KAZN: variants seen among roughly 807,000 people sequenced by gnomAD.
KAZN encodes kazrin.
Under a neutral mutation model 87.4 loss-of-function variants are expected in KAZN, and 40 were observed. The observed-to-expected ratio is 0.46, with a 90% CI of 0.36 to 0.60. The LOEUF is 0.60. Among genes scored for constraint, KAZN ranks in the 20% least tolerant of loss-of-function variants. The probability of loss-of-function intolerance (pLI) is 0.00; values close to 1 mark genes in which losing one functional copy is unlikely to be tolerated. For missense variants in KAZN, 898 were observed against 1,073.9 expected, an observed-to-expected ratio of 0.84 and a Z score of 2.29; for synonymous variants, 466 against 458.3, an observed-to-expected ratio of 1.02 and a Z score of -0.22.
At chr1:13,902,432 A>G (rs1013765993) in intron 1 of KAZN, among the ~76,000 whole-genome samples, 2 of 152,206 alleles carry the variant, frequency 1.3e-5, no homozygotes, top group African/African-American at 4.8e-5. Flanking sequence ...AACTTCATGC[A>G]GGCTGTTTTC....
chr1:15,063,552 C>T lies in KAZN; in HGVS notation c.1048-20C>T, dbSNP rs1638974887. On this transcript the variant is annotated intron_variant, in intron 6 of 14. Coordinates refer to ENST00000376030, the MANE Select transcript of KAZN (RefSeq NM_201628.3). Reference sequence around the variant, plus strand: ...CACCTGTCTCTGCTGTTTCATCTTCCTCTTCTCCTCTGGCTACAGGGCGAC... The same window carrying T: ...CACCTGTCTCTGCTGTTTCATCTTCTTCTTCTCCTCTGGCTACAGGGCGAC... The T allele has an allele frequency of 6.2e-7, 1 of 1,611,542 alleles. No homozygotes were observed. Among genetic ancestry groups the T allele is most frequent in the South Asian group, 1.1e-5 (1 of 91,022 alleles).
chr1:14,672,972 G>A (rs1375257512), intron 1 of KAZN, among the ~76,000 whole-genome samples: 2 of 152,168 alleles, frequency 1.3e-5, no homozygotes, highest in South Asian at 2.1e-4. Flanking sequence ...CCCAGGCCAC[G>A]TGCAAAAGAG....
chr1:15,014,658 C>T (rs1044217182), intron 2 of KAZN, among the ~76,000 whole-genome samples: 2 of 152,164 alleles, frequency 1.3e-5, no homozygotes, highest in Admixed American at 6.5e-5. Flanking sequence ...GTCCAGAAAG[C>T]CTTCCTCCCG....
At chr1:14,258,544 G>A (rs1045778415) in intron 2 of KAZN, among the ~76,000 whole-genome samples, 1 of 152,026 alleles carries the variant, frequency 6.6e-6, no homozygotes, top group Non-Finnish European at 1.5e-5. Flanking sequence ...AAAACACAGA[G>A]TTCAACTATA....
At chr1:14,756,496 C>T (rs1225534751) in intron 1 of KAZN, among the ~76,000 whole-genome samples, 1 of 152,226 alleles carries the variant, frequency 6.6e-6, no homozygotes, top group African/African-American at 2.4e-5. Flanking sequence ...ACTGGTGCCA[C>T]TGACAAAGTG....
chr1:14,237,712 A>G (rs1648554573), intron 2 of KAZN, among the ~76,000 whole-genome samples: 4 of 151,970 alleles, frequency 2.6e-5, no homozygotes, highest in South Asian at 2.1e-4. Flanking sequence ...GCAAGGCCAT[A>G]GGGATATAAA....
chr1:14,310,350 AGAG>A (rs1467308420), intron 2 of KAZN, among the ~76,000 whole-genome samples: 5 of 152,218 alleles, frequency 3.3e-5, no homozygotes, highest in African/African-American at 1.2e-4. Flanking sequence ...TGGAGCCACC[AGAG>A]GATTCTAAAC....
At chr1:14,194,865 G>C (rs927838358) in intron 2 of KAZN, among the ~76,000 whole-genome samples, 5 of 152,134 alleles carry the variant, frequency 3.3e-5, no homozygotes, top group African/African-American at 1.2e-4. Context: ...CAAGGATAGA[G>C]ATTTGAGATT....
chr1:13,913,631 C>G (rs1639733308), intron 1 of KAZN, among the ~76,000 whole-genome samples: 1 of 152,066 alleles, frequency 6.6e-6, no homozygotes, highest in South Asian at 2.1e-4. Flanking sequence ...GGAGATAAAG[C>G]CATGTTATTG....
intron 1 of KAZN, among the ~76,000 whole-genome samples, chr1:14,795,950 G>A (rs747180617): frequency 2.0e-5 from 3 of 152,174 alleles, no homozygotes; most frequent in African/African-American, 4.8e-5. Context: ...GGCCTGCTGT[G>A]TGTTTCTTTC....
At chr1:14,855,361 G>T (rs1246871059) in intron 1 of KAZN, among the ~76,000 whole-genome samples, 1 of 152,168 alleles carries the variant, frequency 6.6e-6, no homozygotes, top group African/African-American at 2.4e-5. Flanking sequence ...AAGTTAAATT[G>T]CTGCCTTTTG....
intron 2 of KAZN, among the ~76,000 whole-genome samples, chr1:14,503,729 A>G (rs1203592728): frequency 6.6e-6 from 1 of 151,934 alleles, no homozygotes; most frequent in Non-Finnish European, 1.5e-5. Flanking sequence ...CCCATTTTAC[A>G]GATGAGAAAT....
At chr1:14,708,194 G>A (rs1343236644) in intron 1 of KAZN, among the ~76,000 whole-genome samples, 1 of 152,108 alleles carries the variant, frequency 6.6e-6, no homozygotes, top group Admixed American at 6.6e-5. Context: ...ACCTGGCTGT[G>A]CCTTTCCATG....
At chr1:14,893,407 G>A (rs1281666468) in intron 1 of KAZN, among the ~76,000 whole-genome samples, 1 of 152,106 alleles carries the variant, frequency 6.6e-6, no homozygotes, top group Non-Finnish European at 1.5e-5. Context: ...CCTGGGAGAG[G>A]AGCTCCACAG....
At chr1:14,595,347 C>T (rs1676426618), upstream of KAZN, among the ~76,000 whole-genome samples, 1 of 152,058 alleles carries the variant, frequency 6.6e-6, no homozygotes, top group South Asian at 2.1e-4. Flanking sequence ...TCCTTGAGGT[C>T]ACCTCCGGAG....
chr1:15,030,317 G>A (rs1032644828), intron 2 of KAZN, among the ~76,000 whole-genome samples: 1 of 152,084 alleles, frequency 6.6e-6, no homozygotes, highest in African/African-American at 2.4e-5. Flanking sequence ...TCCCAGGTGG[G>A]AGTACAGTGG....
chr1:13,968,794 C>G (rs1479053741), intron 1 of KAZN, among the ~76,000 whole-genome samples: 1 of 144,430 alleles, frequency 6.9e-6, no homozygotes, highest in Non-Finnish European at 1.5e-5. Context: ...CTCTCCTCTT[C>G]CATTTGAACA....
intron 1 of KAZN, among the ~76,000 whole-genome samples, chr1:13,997,119 G>A (rs866026564): frequency 4.6e-5 from 7 of 152,174 alleles, no homozygotes; most frequent in Middle Eastern, 3.4e-3. Context: ...CCCTACAGAA[G>A]AGGGACTTGA....
intron 2 of KAZN, among the ~76,000 whole-genome samples, chr1:14,434,278 C>G (rs568172854): frequency 6.6e-6 from 1 of 152,228 alleles, no homozygotes; most frequent in East Asian, 1.9e-4. Context: ...CCTCCGCCCC[C>G]TCCCTTCTCT....
Sources: gnomAD v4.1 joint callset for allele counts (sites outside exome capture counted in the v4.1 genomes callset) on GRCh38, gnomAD v4.1.1 for gene constraint, MANE v1.5 for transcripts, NCBI Gene and HGNC (gene_info 2026-07-23, HGNC 2026-07-21) for gene names.